Variants in PPP2R2B observed in about 807,000 individuals in gnomAD.
PPP2R2B encodes the protein protein phosphatase 2 regulatory subunit Bbeta.
PPP2R2B carries 5 observed loss-of-function variants against 46.0 expected under a neutral mutation model. The observed-to-expected ratio is 0.11, with a 90% CI of 0.06 to 0.23. The LOEUF is 0.23. PPP2R2B is among the 10% of genes least tolerant of loss of function. The probability of loss-of-function intolerance (pLI) is 1.00; values close to 1 mark genes in which losing one functional copy is unlikely to be tolerated. For synonymous variants in PPP2R2B, 215 were observed against 206.7 expected, an observed-to-expected ratio of 1.04 and a Z score of -0.34; for missense variants, 367 against 575.0, an observed-to-expected ratio of 0.64 and a Z score of 3.70.
At chr5:146,970,538 CAGTT>C (rs893056022) in intron 1 of PPP2R2B, among the ~76,000 whole-genome samples, 2 of 151,878 alleles carry the variant, frequency 1.3e-5, no homozygotes, top group African/African-American at 2.4e-5. Flanking sequence ...TGGAGGTTAA[CAGTT>C]AGCCAAGATC....
intron 2 of PPP2R2B, among the ~76,000 whole-genome samples, chr5:146,872,195 C>T (rs902172686): frequency 1.3e-5 from 2 of 152,174 alleles, no homozygotes; most frequent in African/African-American, 2.4e-5. Context: ...GGGATTGCCC[C>T]TGGGGACCTG....
intron 1 of PPP2R2B, among the ~76,000 whole-genome samples, chr5:146,925,383 T>C (rs319156): frequency 0.47 from 70,701 of 151,930 alleles, 18,016 homozygotes; most frequent in East Asian, 0.66. Flanking sequence ...TATTTTGCCC[T>C]CATTTTTGAA....
At chr5:146,921,615 A>G (rs771790137) in intron 1 of PPP2R2B, among the ~76,000 whole-genome samples, 2 of 152,232 alleles carry the variant, frequency 1.3e-5, no homozygotes, top group Non-Finnish European at 2.9e-5. Context: ...TAGCTTCTGC[A>G]TGTAAAATAC....
intron 5 of PPP2R2B, among the ~76,000 whole-genome samples, chr5:146,690,067 C>T (rs1778744978): frequency 6.6e-6 from 1 of 152,226 alleles, no homozygotes; most frequent in Non-Finnish European, 1.5e-5. Context: ...TTTTGGCTTT[C>T]AAACATAGGG....
intron 1 of PPP2R2B, among the ~76,000 whole-genome samples, chr5:146,998,798 C>T (rs1754033363): frequency 6.6e-6 from 1 of 151,808 alleles, no homozygotes; most frequent in Non-Finnish European, 1.5e-5. Flanking sequence ...TCTTTTTTCC[C>T]CCTTATCACT....
At chr5:146,728,193 G>C (rs1475556774) in intron 2 of PPP2R2B, among the ~76,000 whole-genome samples, 1 of 121,924 alleles carries the variant, frequency 8.2e-6, no homozygotes, top group Admixed American at 1.0e-4. Flanking sequence ...CAAAAGGAAA[G>C]CAAGGACAGG....
At chr5:146,752,144 C>A (rs184898398) in intron 2 of PPP2R2B, among the ~76,000 whole-genome samples, 1 of 151,948 alleles carries the variant, frequency 6.6e-6, no homozygotes, top group African/African-American at 2.4e-5. Flanking sequence ...GCAGCTTGGA[C>A]TAGTGTGGTA....
chr5:146,915,377 C>T (rs759319231), intron 1 of PPP2R2B, among the ~76,000 whole-genome samples: 5 of 151,910 alleles, frequency 3.3e-5, no homozygotes, highest in African/African-American at 9.7e-5. Flanking sequence ...TTTGCATGCC[C>T]AGCTCTCTCT....
At chr5:146,631,524 T>C (rs1774423157) in intron 7 of PPP2R2B, among the ~76,000 whole-genome samples, 1 of 152,224 alleles carries the variant, frequency 6.6e-6, no homozygotes, top group South Asian at 2.1e-4. Context: ...AAGGTATCAC[T>C]TTTACTATTC....
At chr5:146,978,065 A>G (rs1247877114) in intron 1 of PPP2R2B, among the ~76,000 whole-genome samples, 1 of 152,192 alleles carries the variant, frequency 6.6e-6, no homozygotes, top group Non-Finnish European at 1.5e-5. Context: ...AATGATCACC[A>G]TTCTAACTGG....
intron 1 of PPP2R2B, among the ~76,000 whole-genome samples, chr5:146,944,205 C>T (rs567435340): frequency 5.4e-4 from 82 of 152,180 alleles, no homozygotes; most frequent in Non-Finnish European, 8.8e-4. Flanking sequence ...TCTAAATTGC[C>T]GATTGCCACT....
At chr5:146,668,592 C>T (rs1777150060) in intron 5 of PPP2R2B, among the ~76,000 whole-genome samples, 1 of 152,200 alleles carries the variant, frequency 6.6e-6, no homozygotes, top group Admixed American at 6.5e-5. Context: ...TTTGGGGTGA[C>T]TTATGCCTGG....
intron 5 of PPP2R2B, among the ~76,000 whole-genome samples, chr5:146,664,282 C>T (rs1776846498): frequency 6.6e-6 from 1 of 152,178 alleles, no homozygotes; most frequent in African/African-American, 2.4e-5. Context: ...AGACAATCCG[C>T]TCAAGCACTG....
chr5:146,855,656 C>A (rs1292823011), intron 2 of PPP2R2B, among the ~76,000 whole-genome samples: 1 of 152,116 alleles, frequency 6.6e-6, no homozygotes, highest in African/African-American at 2.4e-5. Flanking sequence ...ACTCTTTGAT[C>A]TCTCTCAGGG....
intron 1 of PPP2R2B, among the ~76,000 whole-genome samples, chr5:147,009,898 C>CACACACACACACACAT (rs781463815): frequency 7.6e-5 from 11 of 145,610 alleles, no homozygotes; most frequent in African/African-American, 2.6e-4. Context: ...CACACACACA[C>CACACACACACACACAT]ATATATATAT....
intron 1 of PPP2R2B, among the ~76,000 whole-genome samples, chr5:146,986,659 G>A (rs942192596): frequency 1.6e-4 from 25 of 152,140 alleles, no homozygotes; most frequent in African/African-American, 5.8e-4. Context: ...AACTGATTAA[G>A]CAGAAGAAAT....
At chr5:146,740,579 A>T (rs1243515720) in intron 2 of PPP2R2B, among the ~76,000 whole-genome samples, 3 of 26,468 alleles carry the variant, frequency 1.1e-4, no homozygotes, top group African/African-American at 3.5e-4. Flanking sequence ...GAGATCACAC[A>T]CACACACACA....
chr5:146,859,453 A>C (rs965964941), intron 2 of PPP2R2B, among the ~76,000 whole-genome samples: 1 of 152,224 alleles, frequency 6.6e-6, no homozygotes, highest in South Asian at 2.1e-4. Context: ...CAGCAGTGCC[A>C]AAGACAACTG....
chr5:146,709,473 G>A (rs906809888), intron 2 of PPP2R2B, among the ~76,000 whole-genome samples: 1 of 152,162 alleles, frequency 6.6e-6, no homozygotes, highest in Non-Finnish European at 1.5e-5. Context: ...TGTGGCTAGG[G>A]GTAATTGTGT....
Sources: allele counts gnomAD v4.1 joint callset (sites outside exome capture counted in the v4.1 genomes callset), GRCh38; gene constraint gnomAD v4.1.1; transcripts MANE v1.5; gene names NCBI Gene and HGNC (gene_info 2026-07-23, HGNC 2026-07-21).